The following ZNF425 variants were observed in gnomAD, a reference collection of about 807,000 sequenced individuals.
The protein encoded by ZNF425 is zinc finger protein 425.
Under a neutral mutation model 17.0 loss-of-function variants are expected in ZNF425, and 21 were observed. That is an observed-to-expected ratio of 1.23 (90% CI 0.88 to 1.78). The LOEUF (loss-of-function observed/expected upper bound fraction) is 1.78, where lower values mean the gene tolerates loss of function less well. Ranked by LOEUF, ZNF425 falls within the 40% of genes most tolerant of loss-of-function variation. ZNF425 has a pLI of 0.00. For synonymous variants in ZNF425, 433 were observed against 384.1 expected (o/e 1.13, Z -1.49); for missense variants, 868 against 967.3 (o/e 0.90, Z 1.36).
intron 1 of ZNF425, 133 bp downstream of exon 1, chr7:149,126,063 C>G: frequency 1.3e-6 from 2 of 1,519,934 alleles, no homozygotes; most frequent in South Asian, 2.4e-5. Context: ...CAGCCCGGAG[C>G]TCAGTCCGTG....
At position 149,105,458 on chromosome 7, in the gene ZNF425, G is replaced by A. The variant is rs766552641; in HGVS notation, c.413C>T (p.Ala138Val). The A allele has an allele frequency of 4.6e-6, 7 of 1,533,528 alleles. No homozygotes were observed. Among genetic ancestry groups the A allele is most frequent in the Non-Finnish European group, 6.1e-6 (7 of 1,146,004 alleles). The allele number at this position is 1,533,528 out of a possible 1,614,324, so 95.0% of individuals were successfully genotyped here. ...LRGKERKILL[A>V]QTATFQSPSL... ...TGGAGACTGGAAGGTGGCTGTTTGAGCTAATAAAATCTTTCTCTCTTTCCC... is the reference window on the plus strand; with the variant it reads ...TGGAGACTGGAAGGTGGCTGTTTGAACTAATAAAATCTTTCTCTCTTTCCC... Residue 138 changes from alanine (A) to valine (V), a missense_variant, in exon 4 of 4, where the codon GCT becomes GTT. By Grantham distance (64) the Ala-to-Val change is moderately conservative (BLOSUM62 0). This residue lies in a region of ZNF425 where 179 missense variants were observed against 216.3 expected (regional missense o/e 0.83). Coordinates refer to ENST00000378061, the MANE Select transcript of ZNF425 (RefSeq NM_001001661.3).
Position 149,103,419 on chromosome 7 carries a change from T to A in ZNF425, c.*193A>T, listed in dbSNP as rs943238103. 7.9e-6 allele frequency: 5 copies of A among 632,390 alleles called. No individual in the cohort carries two copies. Among genetic ancestry groups the A allele is most frequent in the Non-Finnish European group, 1.3e-5 (5 of 383,644 alleles). 39.2% of individuals were successfully genotyped at this position (632,390 alleles called of 1,614,324 possible). ...TTTTTGTAGAGATGGAGTCTTGCAA[T>A]GTTGCCTAGGCTGGTCTCAAACTTC... On this transcript the variant is annotated 3_prime_UTR_variant, in exon 4 of 4. Transcript: ENST00000378061.
At chr7:149,126,124 G>A (rs763472740) in intron 1 of ZNF425, 72 bp downstream of exon 1, 1 of 1,607,954 alleles carries the variant, frequency 6.2e-7, no homozygotes, top group Non-Finnish European at 8.5e-7. Flanking sequence ...CTCCCTGGAC[G>A]CGGACCCCAA....
rs1317268155 is a variant in ZNF425, at chr7:149,104,488, C to T, written c.1383G>A (p.Gln461=). The T allele has an allele frequency of 1.3e-6, 2 of 1,597,194 alleles. No homozygotes were observed. Among genetic ancestry groups the T allele is most frequent in the East Asian group, 2.2e-5 (1 of 44,804 alleles). ...FFWRNAMRAH[Q]RLHSEQKPFP... ...AGGGCTTTTGCTCGCTGTGCAGGCG[C>T]TGGTGGGCGCGCATGGCGTTCCTCC... Residue 461 remains glutamine (Q), a synonymous_variant, in exon 4 of 4, where the codon CAG becomes CAA. Coordinates refer to ENST00000378061, the MANE Select transcript of ZNF425 (RefSeq NM_001001661.3). This position sits in a 1 kb window ranked among gnomAD's most constrained non-coding sequence, Gnocchi z 4.3.
intron 3 of ZNF425, among the ~76,000 whole-genome samples, chr7:149,110,086 G>A (rs951985467): frequency 6.6e-6 from 1 of 151,504 alleles, no homozygotes; most frequent in African/African-American, 2.4e-5. Context: ...ATATTGGCAA[G>A]GCTGGTCTCG....
chr7:149,109,930 G>A (rs1413237576), intron 3 of ZNF425, among the ~76,000 whole-genome samples: 1 of 149,200 alleles, frequency 6.7e-6, no homozygotes, highest in African/African-American at 2.5e-5. Flanking sequence ...AGGCTGGAGT[G>A]CAATGGCGCA....
In ZNF425 at chr7:149,103,921, C is replaced by T; in HGVS notation, c.1950G>A (p.Gln650=). 1.2e-6 allele frequency: 2 copies of T among 1,613,992 alleles called. No individual in the cohort carries two copies. Among genetic ancestry groups the T allele is most frequent in the Non-Finnish European group, 1.7e-6 (2 of 1,180,008 alleles). The change falls in exon 4 of 4, where the codon CAG becomes CAA. Residue 650 remains glutamine, a synonymous_variant. Coordinates refer to ENST00000378061, the MANE Select transcript of ZNF425 (RefSeq NM_001001661.3). ...CTCGAATGTGTTCTGTGAGCCGGTACTGTTGAGTGAAACTTTTGCCGCACA... is the reference window on the plus strand; with the variant it reads ...CTCGAATGTGTTCTGTGAGCCGGTATTGTTGAGTGAAACTTTTGCCGCACA... ...CVMCGKSFTQ[Q]YRLTEHIRVH...
intron 1 of ZNF425, among the ~76,000 whole-genome samples, chr7:149,124,049 G>T (rs546044822): frequency 2.0e-5 from 3 of 149,570 alleles, no homozygotes; most frequent in Non-Finnish European, 4.4e-5. Flanking sequence ...GGGTTTCACC[G>T]TGTTAGCCAG....
chr7:149,121,883 T>A (rs538306598), intron 1 of ZNF425, among the ~76,000 whole-genome samples: 1 of 151,372 alleles, frequency 6.6e-6, no homozygotes, highest in African/African-American at 2.4e-5. Context: ...AAATATTCTC[T>A]TTGGCAAAAT....
intron 1 of ZNF425, among the ~76,000 whole-genome samples, chr7:149,119,351 C>T (rs764283896): frequency 3.3e-5 from 5 of 151,982 alleles, no homozygotes; most frequent in South Asian, 2.1e-4. Context: ...TGTGGTGGCA[C>T]GCCTGGATTA....
chr7:149,112,022 C>T lies in ZNF425; in HGVS notation c.304+115G>A, dbSNP rs528945497. 316 of 1,091,800 alleles carry T rather than the reference C, an allele frequency of 2.9e-4. 1 individual carries two copies. The African/African-American group carries it at 4.3e-3, about 15-fold the overall frequency. The allele number at this position is 1,091,800 out of a possible 1,614,324, so 67.6% of individuals were successfully genotyped here. On this transcript the variant is annotated intron_variant, in intron 3 of 3. Coordinates refer to ENST00000378061, the MANE Select transcript of ZNF425 (RefSeq NM_001001661.3). ...CTTGAGTAAAGAAAACTAACATTCT[C>T]CATCAAAACAACTTTTTTTATTGAC...
intron 1 of ZNF425, among the ~76,000 whole-genome samples, chr7:149,122,727 G>A (rs1436173747): frequency 3.3e-5 from 5 of 151,818 alleles, no homozygotes; most frequent in African/African-American, 7.3e-5. Flanking sequence ...ACGGAGTCTC[G>A]TTCCGTCGCC....
In ZNF425 at chr7:149,105,157, C is replaced by A. The variant is rs1826060139; in HGVS notation, c.714G>T (p.Arg238Ser). 1 of 1,614,198 alleles carries A rather than the reference C, an allele frequency of 6.2e-7. No homozygotes were observed. Among genetic ancestry groups the A allele is most frequent in the African/African-American group, 1.3e-5 (1 of 75,052 alleles). Residue 238 changes from arginine to serine, a missense_variant, in exon 4 of 4, where the codon AGG becomes AGT. By Grantham distance (110) the Arg-to-Ser change is moderately radical. Transcript: ENST00000378061. ...GGAACCGCTTCTTCTGACACAGGAG[C>A]CTCTGCGTCCGCCTGAGTTCGGACT... ...RGKSELRRTQ[R>S]LLCQKKRFQC...
At chr7:149,119,122 T>C (rs1826311733) in intron 1 of ZNF425, among the ~76,000 whole-genome samples, 1 of 150,916 alleles carries the variant, frequency 6.6e-6, no homozygotes, top group South Asian at 2.1e-4. Context: ...TTTTTTTTTT[T>C]TTTTTTTGAG....
Position 149,103,465 on chromosome 7 carries a change from A to G in ZNF425, c.*147T>C, listed in dbSNP as rs1585479416. The G allele has an allele frequency of 2.9e-6, 3 of 1,043,992 alleles. No homozygotes were observed. Among genetic ancestry groups the G allele is most frequent in the Non-Finnish European group, 4.0e-6 (3 of 744,082 alleles). The allele number at this position is 1,043,992 out of a possible 1,614,324, so 64.7% of individuals were successfully genotyped here. On this transcript the variant is annotated 3_prime_UTR_variant, in exon 4 of 4. Transcript: ENST00000378061. ...ACTTCTGGGCTCAAGCGATCCTCCC[A>G]CCTGGGCCTCCCAAAGTAATGGGAT...
In ZNF425 at chr7:149,103,388, T is replaced by G. The variant is rs1826007737; in HGVS notation, c.*224A>C. The stretch of plus-strand genomic sequence containing the variant: ...ATGCACCACAACGCCTGGCTGACTT[T>G]TATATTTTTTGTAGAGATGGAGTCT... On this transcript the variant is annotated 3_prime_UTR_variant, in exon 4 of 4. Transcript: ENST00000378061. 1 of 545,112 alleles carries G rather than the reference T, an allele frequency of 1.8e-6. No individual in the cohort carries two copies. Among genetic ancestry groups the G allele is most frequent in the Non-Finnish European group, 3.1e-6 (1 of 321,072 alleles). The allele number at this position is 545,112 out of a possible 1,614,324, so 33.8% of individuals were successfully genotyped here.
chr7:149,124,415 A>G (rs1054742555), intron 1 of ZNF425, among the ~76,000 whole-genome samples: 1 of 152,196 alleles, frequency 6.6e-6, no homozygotes, highest in African/African-American at 2.4e-5. Context: ...TTGGCCACCC[A>G]AAGTGCTGGG....
Position 149,126,246 on chromosome 7 carries a change from C to G in ZNF425, c.-33G>C, listed in dbSNP as rs373254583. 7 of 1,607,362 alleles carry G rather than the reference C, an allele frequency of 4.4e-6. No homozygotes were observed. The highest frequency in any genetic ancestry group is 5.9e-6 in the Non-Finnish European group (7 of 1,177,492). On this transcript the variant is annotated 5_prime_UTR_variant, in exon 1 of 4. Transcript: ENST00000378061. The stretch of plus-strand genomic sequence containing the variant: ...CCGCACGAACCGGCCCTGCCTGGCA[C>G]GGCCTCCCCTCCGCTCCGCCCCAAC...
chr7:149,105,193 C>T lies in ZNF425; in HGVS notation c.678G>A (p.Ser226=). The change falls in exon 4 of 4, where the codon TCG becomes TCA. Residue 226 remains serine (S), a synonymous_variant. Transcript: ENST00000378061. ...GCCTGAGTTCGGACTTCCCTCTGGA[C>T]GAGTTTTTGTACTTTGGGTATCTGC... The part of the protein sequence containing the change: ...QLCRYPKYKN[S]SRGKSELRRT... 26 of 1,614,196 alleles carry T rather than the reference C, an allele frequency of 1.6e-5. No homozygotes were observed. The highest frequency in any genetic ancestry group is 2.1e-5 in the Non-Finnish European group (25 of 1,180,038).
Sources: gnomAD v4.1 joint callset for allele counts (sites outside exome capture counted in the v4.1 genomes callset) on GRCh38, gnomAD v4.1.1 for gene constraint, gnomAD v4.1.1 regional missense constraint, Gnocchi (gnomAD v3.1) non-coding constraint, MANE v1.5 for transcripts, NCBI Gene and HGNC (gene_info 2026-07-23, HGNC 2026-07-21) for gene names.